Variants in NPRL3 observed in about 807,000 individuals in gnomAD.
NPRL3 encodes GATOR1 complex protein NPRL3.
NPRL3 carries 23 observed loss-of-function variants against 57.2 expected under a neutral mutation model. The observed-to-expected ratio is 0.40, with a 90% CI of 0.29 to 0.57. The LOEUF (loss-of-function observed/expected upper bound fraction) is 0.57. Among genes scored for constraint, NPRL3 ranks in the 20% least tolerant of loss-of-function variants. The pLI is 0.42. For synonymous variants in NPRL3, 333 were observed against 321.1 expected (o/e 1.04, Z -0.39); for missense variants, 691 against 767.1 (o/e 0.90, Z 1.17).
Position 86,645 on chromosome 16 carries a change from G to A in NPRL3, c.*60C>T, listed in dbSNP as rs562975124. 1.4e-3 allele frequency: 2,023 copies of A among 1,481,920 alleles called. 1 individual carries two copies. The highest frequency in any genetic ancestry group is 1.6e-3 in the Non-Finnish European group (1,794 of 1,103,756). The allele number at this position is 1,481,920 out of a possible 1,614,324, so 91.8% of individuals were successfully genotyped here. A position where few individuals can be genotyped will look rare whatever the true frequency, so the allele number is the denominator to read the frequency against. Reference sequence around the variant, plus strand: ...AGCCTCAGCACGGGGGGAGCCCTGGGGTGGGGAGACGCGAGCGCCCACCTG... The same window carrying A: ...AGCCTCAGCACGGGGGGAGCCCTGGAGTGGGGAGACGCGAGCGCCCACCTG... On this transcript the variant is annotated 3_prime_UTR_variant, in exon 14 of 14. Coordinates refer to ENST00000611875, the MANE Select transcript of NPRL3 (RefSeq NM_001077350.3).
chr16:101,007 A>G (rs1363850494), intron 7 of NPRL3, among the ~76,000 whole-genome samples: 6 of 149,390 alleles, frequency 4.0e-5, no homozygotes, highest in Non-Finnish European at 5.9e-5. Context: ...AGAAGAAGAA[A>G]GAAAAAGAGA....
At chr16:123,109 C>A (rs1054343887) in intron 3 of NPRL3, among the ~76,000 whole-genome samples, 38 of 152,188 alleles carry the variant, frequency 2.5e-4, no homozygotes, top group Admixed American at 2.4e-3. Context: ...AAAATAAAAA[C>A]AAGGAGCAAC....
Position 85,998 on chromosome 16 carries a change from A to G in NPRL3, c.*707T>C, listed in dbSNP as rs148582747. 8.0e-4 allele frequency: 394 copies of G among 495,488 alleles called. 1 individual carries two copies. The highest frequency in any genetic ancestry group is 7.1e-3 in the African/African-American group (358 of 50,638). The allele number at this position is 495,488 out of a possible 1,614,324, so 30.7% of individuals were successfully genotyped here. A position where few individuals can be genotyped will look rare whatever the true frequency, so the allele number is the denominator to read the frequency against. ...TCAGTGTGGGAGCCGAAAGCCCCCG[A>G]GGGTGGGGTCCTGCACAGTGGGCCA... On this transcript the variant is annotated 3_prime_UTR_variant, in exon 14 of 14. Coordinates refer to ENST00000611875, the MANE Select transcript of NPRL3 (RefSeq NM_001077350.3).
chr16:105,280 C>T (rs1301130236), intron 7 of NPRL3, among the ~76,000 whole-genome samples: 1 of 152,208 alleles, frequency 6.6e-6, no homozygotes, highest in Non-Finnish European at 1.5e-5. Flanking sequence ...GTCCCCTCAG[C>T]TTTTAGCATC....
intron 11 of NPRL3, 51 bp from the exon 12 acceptor site, chr16:89,953 C>T: frequency 6.7e-7 from 1 of 1,497,130 alleles, no homozygotes; most frequent in Non-Finnish European, 9.0e-7. Flanking sequence ...CCAACTTCCT[C>T]CTGGGTGATC....
rs537866253 is a variant in NPRL3 at position 118,329 on chromosome 16, A to G, written c.318+797T>C. Among the ~76,000 whole-genome samples, 11 of 152,342 alleles carry G rather than the reference A, an allele frequency of 7.2e-5. No homozygotes were observed. The South Asian group carries it at 1.9e-3, about 26-fold the overall frequency. On this transcript the variant is annotated intron_variant, in intron 4 of 13. Coordinates refer to ENST00000611875, the MANE Select transcript of NPRL3 (RefSeq NM_001077350.3). The stretch of plus-strand genomic sequence containing the variant: ...ACAAGTTCCCTTCATCCTGCTAACA[A>G]GATGAGTTCCTCAGTGCTATGACAC...
In NPRL3 at chr16:110,506, G is replaced by C; in HGVS notation, c.629+19C>G. ...TGGCCCATAAGAAGGAGGTTAATAA[G>C]CACACCCACCTGTCTTACCTGTCAT... On this transcript the variant is annotated intron_variant, in intron 7 of 13. Transcript: ENST00000611875. 6.2e-7 allele frequency: 1 copy of C among 1,602,364 alleles called. No homozygotes were observed. The highest frequency in any genetic ancestry group is 1.1e-5 in the South Asian group (1 of 89,050).
intron 2 of NPRL3, among the ~76,000 whole-genome samples, chr16:130,798 C>T (rs1900754996): frequency 1.3e-5 from 2 of 152,150 alleles, no homozygotes; most frequent in African/African-American, 2.4e-5. Context: ...AAATGGTGCA[C>T]TTACAGTATA....
chr16:133,435 T>C (rs1389239784), intron 2 of NPRL3, among the ~76,000 whole-genome samples: 1 of 152,130 alleles, frequency 6.6e-6, no homozygotes, highest in African/African-American at 2.4e-5. Flanking sequence ...TTTCACCATG[T>C]TGTCCAGGCT....
At chr16:131,206 G>A (rs994306126) in intron 2 of NPRL3, among the ~76,000 whole-genome samples, 10 of 152,268 alleles carry the variant, frequency 6.6e-5, no homozygotes, top group East Asian at 3.9e-4. Flanking sequence ...ATGGCTGAGC[G>A]CGGTGGTTCA....
At chr16:111,696 A>C (rs1016270301) in intron 6 of NPRL3, among the ~76,000 whole-genome samples, 3 of 151,844 alleles carry the variant, frequency 2.0e-5, no homozygotes, top group African/African-American at 7.3e-5. Context: ...CAAGCAATCT[A>C]CCTGCCTCAG....
intron 3 of NPRL3, among the ~76,000 whole-genome samples, chr16:127,718 A>ATGTG: frequency 6.7e-6 from 1 of 148,886 alleles, no homozygotes; most frequent in South Asian, 2.1e-4. Flanking sequence ...GCAGTGGCAC[A>ATGTG]ATCTTGGCTC....
intron 2 of NPRL3, among the ~76,000 whole-genome samples, chr16:132,981 T>C (rs1254138120): frequency 2.6e-5 from 4 of 152,118 alleles, no homozygotes; most frequent in Non-Finnish European, 5.9e-5. Flanking sequence ...CCTTGCACTT[T>C]TACGTTATAG....
chr16:88,947 A>G, intron 12 of NPRL3, 57 bp from the exon 13 acceptor site: 1 of 1,526,054 alleles, frequency 6.6e-7, no homozygotes, highest in African/African-American at 1.4e-5. Context: ...CCAGGGGAAC[A>G]GCGAGGGCAG....
chr16:118,980 C>G (rs567009936), intron 4 of NPRL3, 146 bp downstream of exon 4: 3 of 1,229,326 alleles, frequency 2.4e-6, no homozygotes, highest in Non-Finnish European at 3.4e-6. Flanking sequence ...CCAGGGGGAG[C>G]CCCACCTGCC....
In NPRL3 at chr16:88,916, C is replaced by A. The variant is rs367711377; in HGVS notation, c.1352-26G>T. 79 of 1,595,030 alleles carry A rather than the reference C, an allele frequency of 5.0e-5. No homozygotes were observed. In the Middle Eastern group the frequency reaches 6.7e-4, roughly 13 times the overall value. On this transcript the variant is annotated intron_variant, in intron 12 of 13. Transcript: ENST00000611875. ...CTGTGGGGGACATGGGTCAGGGTGA[C>A]CAAGTGGAATTCCAGGACACCCAGG... is the stretch of plus-strand genomic sequence containing the variant.
chr16:105,289 T>C (rs895882820), intron 7 of NPRL3, among the ~76,000 whole-genome samples: 1 of 152,194 alleles, frequency 6.6e-6, no homozygotes, highest in Non-Finnish European at 1.5e-5. Context: ...GCTTTTAGCA[T>C]CTGAGAAAGC....
intron 2 of NPRL3, among the ~76,000 whole-genome samples, chr16:137,045 T>TAAAA (rs71391116): frequency 3.0e-5 from 2 of 66,078 alleles, no homozygotes; most frequent in African/African-American, 6.5e-5. Flanking sequence ...CCATCTCTAC[T>TAAAA]AAAAAAAAAA....
At chr16:90,101 G>A in intron 11 of NPRL3, 199 bp from the exon 12 acceptor site, 1 of 555,798 alleles carries the variant, frequency 1.8e-6, no homozygotes, top group Non-Finnish European at 3.1e-6. Context: ...GGAAGGGAGA[G>A]GGGCCAGGGG....
Sources: allele counts gnomAD v4.1 joint callset (sites outside exome capture counted in the v4.1 genomes callset), GRCh38; gene constraint gnomAD v4.1.1; transcripts MANE v1.5; gene names NCBI Gene and HGNC (gene_info 2026-07-23, HGNC 2026-07-21).